The following ADPGK variants were observed in gnomAD, a reference collection of about 807,000 sequenced individuals.
ADPGK encodes the protein ADP-dependent glucokinase.
In ADPGK, 26 loss-of-function variants were observed where a neutral mutation model predicts 42.4. The ratio of observed to expected loss-of-function variants is 0.61; its 90% confidence interval spans 0.45 to 0.85. ADPGK has a LOEUF of 0.85. Among genes scored for constraint, ADPGK ranks in the 40% least tolerant of loss-of-function variants. ADPGK has a pLI of 0.00. For missense variants in ADPGK, 571 were observed against 627.0 expected (o/e 0.91, Z 0.95); for synonymous variants, 267 against 252.6 (o/e 1.06, Z -0.54).
chr15:72,774,215 T>A (rs1243413384), intron 2 of ADPGK, among the ~76,000 whole-genome samples: 26 of 152,148 alleles, frequency 1.7e-4, no homozygotes, highest in Non-Finnish European at 2.9e-5. Context: ...AAAAATGGCA[T>A]TAAGAGCTTC....
chr15:72,781,489 A>C lies in ADPGK; in HGVS notation c.233+1970T>G, dbSNP rs112666933. Among the ~76,000 whole-genome samples, 411 of 152,308 alleles carry C rather than the reference A, an allele frequency of 2.7e-3. 5 individuals carry two copies. The highest frequency in any genetic ancestry group is 9.4e-3 in the African/African-American group (390 of 41,560). On this transcript the variant is annotated intron_variant, in intron 1 of 6. Coordinates refer to ENST00000456471, the MANE Select transcript of ADPGK (RefSeq NM_001365225.1). ...ACTTTGGCTTGAAGAAATCTCATTT[A>C]TTTAGTGTCTGTCCTATGAAAGTCA... is the stretch of plus-strand genomic sequence containing the variant.
intron 3 of ADPGK, among the ~76,000 whole-genome samples, chr15:72,761,642 T>G (rs1324237796): frequency 1.3e-5 from 2 of 151,742 alleles, no homozygotes; most frequent in Non-Finnish European, 2.9e-5. Context: ...CACTGAACAA[T>G]GAGGACGGCA....
chr15:72,778,994 G>GT (rs1193205413), intron 1 of ADPGK, among the ~76,000 whole-genome samples: 1 of 152,104 alleles, frequency 6.6e-6, no homozygotes, highest in Admixed American at 6.5e-5. Context: ...GTGAGGCCAT[G>GT]GATTAACTAA....
rs564032199 is a variant in ADPGK, at chr15:72,758,617, A to G, written c.643+1790T>C. ...ACTGCTTTGTATGCAGAAGAGGCAT[A>G]GGAAAGAAAAACTGAAGTGTGAAGC... On this transcript the variant is annotated intron_variant, in intron 4 of 6. Coordinates refer to ENST00000456471, the MANE Select transcript of ADPGK (RefSeq NM_001365225.1). The G allele has an allele frequency of 1.2e-4, 23 of 191,762 alleles. 1 individual carries two copies. In the South Asian group the frequency reaches 2.1e-3, roughly 17 times the overall value. 11.9% of individuals were successfully genotyped at this position (191,762 alleles called of 1,614,324 possible).
intron 3 of ADPGK, among the ~76,000 whole-genome samples, chr15:72,769,605 C>A (rs2066304536): frequency 6.6e-6 from 1 of 152,188 alleles, no homozygotes; most frequent in African/African-American, 2.4e-5. Flanking sequence ...CCTCGGCCTC[C>A]CAAAGTGCTG....
intron 1 of ADPGK, chr15:72,782,951 TGC>T (rs2066483913): frequency 6.5e-6 from 1 of 152,866 alleles, no homozygotes; most frequent in African/African-American, 2.4e-5. Flanking sequence ...CGTGGAAGGC[TGC>T]AGAGTAGATA....
chr15:72,777,535 G>T (rs1175515771), intron 1 of ADPGK, among the ~76,000 whole-genome samples: 2 of 152,182 alleles, frequency 1.3e-5, no homozygotes, highest in Admixed American at 1.3e-4. Context: ...AAAATTAGCT[G>T]GGTGTGGTGG....
chr15:72,769,053 A>G (rs1026420688), intron 3 of ADPGK, among the ~76,000 whole-genome samples: 3 of 152,186 alleles, frequency 2.0e-5, no homozygotes, highest in Admixed American at 6.5e-5. Flanking sequence ...TGACAGCAAA[A>G]CCACAGACAT....
chr15:72,774,472 G>A (rs1368986837), intron 2 of ADPGK, among the ~76,000 whole-genome samples: 1 of 152,172 alleles, frequency 6.6e-6, no homozygotes, highest in Non-Finnish European at 1.5e-5. Flanking sequence ...ACCATGCAGG[G>A]CTTTGTATAT....
In ADPGK at chr15:72,782,622, A is replaced by C. The variant is rs184767497; in HGVS notation, c.233+837T>G. On this transcript the variant is annotated intron_variant, in intron 1 of 6. Transcript: ENST00000456471. ...CTAGAGAGATTACATGAATGATGTC[A>C]TTTAATCTTCAGGCCAAGTTTGCTC... Among the ~76,000 whole-genome samples the C allele has an allele frequency of 1.8e-4, 27 of 151,232 alleles. No individual in the cohort carries two copies. The Middle Eastern group carries it at 0.01, about 58-fold the overall frequency.
At chr15:72,770,277 A>C (rs974907839) in intron 3 of ADPGK, among the ~76,000 whole-genome samples, 10 of 152,188 alleles carry the variant, frequency 6.6e-5, no homozygotes, top group African/African-American at 2.4e-4. Context: ...TCAGTCTCCT[A>C]CCAAAGCCAG....
At chr15:72,772,250 T>G (rs771000407) in intron 2 of ADPGK, among the ~76,000 whole-genome samples, 1 of 152,228 alleles carries the variant, frequency 6.6e-6, no homozygotes, top group African/African-American at 2.4e-5. Context: ...AATCTAACTC[T>G]TGAGTGAGGC....
chr15:72,764,402 C>T (rs1441973588), intron 3 of ADPGK, among the ~76,000 whole-genome samples: 1 of 152,202 alleles, frequency 6.6e-6, no homozygotes, highest in African/African-American at 2.4e-5. Flanking sequence ...TACAACATTC[C>T]CTTAAGCCAA....
chr15:72,762,060 C>T (rs552543692), intron 3 of ADPGK, among the ~76,000 whole-genome samples: 6 of 152,076 alleles, frequency 3.9e-5, no homozygotes, highest in Middle Eastern at 3.4e-3. Context: ...TTAGTAGAGA[C>T]GGGGTTTCAC....
chr15:72,761,899 G>C (rs1381938759), intron 3 of ADPGK, among the ~76,000 whole-genome samples: 1 of 151,530 alleles, frequency 6.6e-6, no homozygotes, highest in African/African-American at 2.4e-5. Flanking sequence ...TTGAGACAGA[G>C]TCTCACTCCG....
Position 72,752,633 on chromosome 15 carries a change from G to A in ADPGK, c.1202C>T (p.Ala401Val), listed in dbSNP as rs2066061315. ...TVDGHWANQL[A>V]AVAAGARVAG... ...CACACGAGCTCCTGCAGCCACGGCTGCCAGCTGGTTGGCCCAGTGTCCATC... is the reference window on the plus strand; with the variant it reads ...CACACGAGCTCCTGCAGCCACGGCTACCAGCTGGTTGGCCCAGTGTCCATC... The change falls in exon 7 of 7, where the codon GCA (alanine) becomes GTA (valine). Residue 401 changes from alanine (A) to valine (V), a missense_variant. Around this residue, in one of 2 missense-constraint regions of ADPGK, gnomAD observed 434 missense variants for 522.7 expected, o/e 0.83. Coordinates refer to ENST00000456471, the MANE Select transcript of ADPGK (RefSeq NM_001365225.1). The A allele has an allele frequency of 4.3e-6, 7 of 1,614,242 alleles. No homozygotes were observed. The highest frequency in any genetic ancestry group is 5.9e-6 in the Non-Finnish European group (7 of 1,180,032).
At chr15:72,762,120 T>C (rs1216902932) in intron 3 of ADPGK, among the ~76,000 whole-genome samples, 1 of 152,194 alleles carries the variant, frequency 6.6e-6, no homozygotes, top group Admixed American at 6.5e-5. Flanking sequence ...TCCACCCGCC[T>C]TGGCCTCCCA....
intron 2 of ADPGK, among the ~76,000 whole-genome samples, chr15:72,774,569 C>G (rs1167010831): frequency 6.6e-6 from 1 of 152,180 alleles, no homozygotes; most frequent in African/African-American, 2.4e-5. Flanking sequence ...AGGAGGTTCT[C>G]AGACCTACAG....
rs552370616 is a variant in ADPGK at position 72,767,197 on chromosome 15, TC to T, written c.522+4585del. Among the ~76,000 whole-genome samples, 516 of 152,230 alleles carry T rather than the reference TC, an allele frequency of 3.4e-3. 3 individuals carry two copies. The highest frequency in any genetic ancestry group is 0.012 in the African/African-American group (502 of 41,538). ...GAATATTATGAAATGATTTTATTTA[TC>T]CCTAGTAATGATAAAGGAATTAATT... On this transcript the variant is annotated intron_variant, in intron 3 of 6. Coordinates refer to ENST00000456471, the MANE Select transcript of ADPGK (RefSeq NM_001365225.1).
Sources: gnomAD v4.1 joint callset for allele counts (sites outside exome capture counted in the v4.1 genomes callset) on GRCh38, gnomAD v4.1.1 for gene constraint, gnomAD v4.1.1 regional missense constraint, MANE v1.5 for transcripts, NCBI Gene and HGNC (gene_info 2026-07-23, HGNC 2026-07-21) for gene names.